NAV3: variants seen among roughly 807,000 people sequenced by gnomAD.
The protein encoded by NAV3 is neuron navigator 3, also known as pore membrane and/or filament interacting like protein 1.
In NAV3, 87 loss-of-function variants were observed where a neutral mutation model predicts 244.7. That is an observed-to-expected ratio of 0.36 (90% CI 0.30 to 0.42). NAV3 has a LOEUF of 0.42. Ranked by LOEUF, NAV3 falls within the 20% of genes least tolerant of loss-of-function variation. The probability of loss-of-function intolerance (pLI) is 1.00; values close to 1 mark genes in which losing one functional copy is unlikely to be tolerated. For synonymous variants in NAV3, 1,126 were observed against 1,042.2 expected (o/e 1.08, Z -1.55); for missense variants, 2,663 against 2,893.3 (o/e 0.92, Z 1.83).
Position 78,119,715 on chromosome 12 carries a change from C to T in NAV3, c.3519C>T (p.Ala1173=), listed in dbSNP as rs780653160. The T allele has an allele frequency of 5.0e-6, 8 of 1,614,188 alleles. No homozygotes were observed. The South Asian group carries it at 6.6e-5, about 13-fold the overall frequency. The change falls in exon 15 of 40, where the codon GCC becomes GCT. Residue 1173 remains alanine, a synonymous_variant. Coordinates refer to ENST00000397909, the MANE Select transcript of NAV3 (RefSeq NM_001024383.2). ...ACGTCAGCAGCAAGTCTGCTGGGGC[C>T]ACCACCTCGAAACTGAGAGAACCAA... ...DSNVSSKSAG[A]TTSKLREPTK...
At chr12:78,164,660 A>G (rs1378635686) in intron 23 of NAV3, among the ~76,000 whole-genome samples, 1 of 152,066 alleles carries the variant, frequency 6.6e-6, no homozygotes, top group East Asian at 1.9e-4. Flanking sequence ...ATTTATTTGA[A>G]ACTAGATGCA....
chr12:78,172,454 G>C (rs1958042650), intron 24 of NAV3, among the ~76,000 whole-genome samples: 1 of 151,596 alleles, frequency 6.6e-6, no homozygotes, highest in Non-Finnish European at 1.5e-5. Flanking sequence ...TTTTAGTCTA[G>C]TGGGAGAGCA....
At chr12:77,605,945 C>T (rs1279830469) in intron 2 of NAV3, among the ~76,000 whole-genome samples, 3 of 152,110 alleles carry the variant, frequency 2.0e-5, no homozygotes, top group African/African-American at 7.2e-5. Flanking sequence ...TTATTGCATG[C>T]GATTCCACAG....
chr12:77,660,606 G>T (rs1032297438), intron 2 of NAV3, among the ~76,000 whole-genome samples: 6 of 152,022 alleles, frequency 3.9e-5, no homozygotes, highest in African/African-American at 7.2e-5. Flanking sequence ...AGGTATGATT[G>T]TATGCATATA....
chr12:77,753,033 C>G (rs1036430894), intron 2 of NAV3, among the ~76,000 whole-genome samples: 4 of 152,154 alleles, frequency 2.6e-5, no homozygotes, highest in Admixed American at 2.6e-4. Context: ...GCTACTAAAC[C>G]TCTAAGCTGT....
At chr12:78,133,604 A>G (rs1240221444) in intron 18 of NAV3, among the ~76,000 whole-genome samples, 1 of 151,934 alleles carries the variant, frequency 6.6e-6, no homozygotes, top group African/African-American at 2.4e-5. Flanking sequence ...TTTTACTATA[A>G]AAAATCACAA....
At chr12:77,816,946 C>G (rs975128040) in intron 2 of NAV3, among the ~76,000 whole-genome samples, 1 of 152,178 alleles carries the variant, frequency 6.6e-6, no homozygotes, top group African/African-American at 2.4e-5. Flanking sequence ...TATGTTAACT[C>G]TAAGAATTCT....
At chr12:77,915,442 G>A (rs752285979) in intron 1 of NAV3, among the ~76,000 whole-genome samples, 2 of 151,870 alleles carry the variant, frequency 1.3e-5, no homozygotes, top group Non-Finnish European at 2.9e-5. Context: ...ATAAATAACA[G>A]ATGTAGAGAT....
intron 1 of NAV3, among the ~76,000 whole-genome samples, chr12:77,853,609 A>G (rs1877894954): frequency 6.6e-6 from 1 of 152,194 alleles, no homozygotes; most frequent in South Asian, 2.1e-4. Context: ...TCTGATAGCA[A>G]CATTTCAACA....
At chr12:77,817,972 T>C (rs963367014) in intron 2 of NAV3, among the ~76,000 whole-genome samples, 2 of 152,130 alleles carry the variant, frequency 1.3e-5, no homozygotes, top group East Asian at 1.9e-4. Context: ...CTTTGTGCTA[T>C]TGAGATAGTA....
At chr12:77,983,962 T>G (rs1870022943) in intron 5 of NAV3, among the ~76,000 whole-genome samples, 1 of 152,200 alleles carries the variant, frequency 6.6e-6, no homozygotes. Flanking sequence ...ATCTAATCAC[T>G]GCAACACAAA....
At chr12:78,058,805 A>G (rs1883893978) in intron 11 of NAV3, among the ~76,000 whole-genome samples, 191 bp from the exon 12 acceptor site, 2 of 152,176 alleles carry the variant, frequency 1.3e-5, no homozygotes, top group African/African-American at 2.4e-5. Context: ...GGAAATATTG[A>G]TTTCCTAGTA....
intron 2 of NAV3, among the ~76,000 whole-genome samples, chr12:77,755,866 T>A (rs1869148636): frequency 6.6e-6 from 1 of 151,720 alleles, no homozygotes; most frequent in East Asian, 1.9e-4. Context: ...TCCAAGTAGC[T>A]GAGACTATGG....
chr12:77,653,887 G>A (rs1195206773), intron 2 of NAV3, among the ~76,000 whole-genome samples: 2 of 151,986 alleles, frequency 1.3e-5, no homozygotes, highest in Non-Finnish European at 2.9e-5. Flanking sequence ...TGTGGGACAA[G>A]TAATGAAAAA....
intron 5 of NAV3, among the ~76,000 whole-genome samples, chr12:77,969,820 A>T (rs1892846131): frequency 8.0e-6 from 1 of 125,548 alleles, no homozygotes; most frequent in South Asian, 2.9e-4. Context: ...ACAGAGCGAG[A>T]CTCTGTCTAA....
chr12:77,824,290 A>C (rs1223360168), intron 2 of NAV3, among the ~76,000 whole-genome samples: 1 of 124,022 alleles, frequency 8.1e-6, no homozygotes, highest in East Asian at 2.3e-4. Flanking sequence ...ACAGGGTTTC[A>C]CCATGTTGCC....
intron 2 of NAV3, among the ~76,000 whole-genome samples, chr12:77,578,902 T>TA (rs34323694): frequency 0.29 from 41,968 of 146,280 alleles, 6,118 homozygotes; most frequent in East Asian, 0.45. Flanking sequence ...TTCTATTCGT[T>TA]AAAAAAAAAA....
At chr12:78,178,254 G>A (rs934587816) in intron 28 of NAV3, among the ~76,000 whole-genome samples, 1 of 151,256 alleles carries the variant, frequency 6.6e-6, no homozygotes, top group Non-Finnish European at 1.5e-5. Context: ...CTGCCTCATG[G>A]GTTCAAGCGA....
intron 2 of NAV3, among the ~76,000 whole-genome samples, chr12:77,673,645 A>G (rs1281002653): frequency 1.3e-5 from 2 of 152,238 alleles, no homozygotes; most frequent in African/African-American, 2.4e-5. Context: ...GAACTTTTGT[A>G]TGGTGTTTGA....
Sources: gnomAD v4.1 joint callset for allele counts (sites outside exome capture counted in the v4.1 genomes callset) on GRCh38, gnomAD v4.1.1 for gene constraint, MANE v1.5 for transcripts, NCBI Gene and HGNC (gene_info 2026-07-23, HGNC 2026-07-21) for gene names.